Variants in EVC2 observed in about 807,000 individuals in gnomAD.
EVC2 encodes the protein limbin.
A neutral mutation model predicts 149.3 loss-of-function variants in EVC2; 148 were observed. That is an observed-to-expected ratio of 0.99 (90% CI 0.87 to 1.14). The LOEUF (loss-of-function observed/expected upper bound fraction) is 1.14, where lower values mean the gene tolerates loss of function less well. Among genes scored for constraint, EVC2 ranks in the 50% most tolerant of loss-of-function variants. EVC2 has a pLI of 0.00. For synonymous variants in EVC2, 776 were observed against 649.9 expected (o/e 1.19, Z -2.95); for missense variants, 1,854 against 1,627.3 (o/e 1.14, Z -2.40).
At chr4:5,574,590 C>T in intron 19 of EVC2, 95 bp downstream of exon 19, 1 of 1,308,818 alleles carries the variant, frequency 7.6e-7, no homozygotes, top group East Asian at 2.3e-5. Flanking sequence ...GGCTTTTCAT[C>T]ACCATCCTGG....
chr4:5,616,926 T>G (rs28707526), intron 15 of EVC2, among the ~76,000 whole-genome samples: 18,584 of 152,232 alleles, frequency 0.12, 2,317 homozygotes, highest in African/African-American at 0.32. Flanking sequence ...CTCACCAGCT[T>G]CAAGGCAGGG....
At chr4:5,584,357 C>T (rs1222025069) in intron 17 of EVC2, among the ~76,000 whole-genome samples, 3 of 152,152 alleles carry the variant, frequency 2.0e-5, no homozygotes, top group Admixed American at 6.5e-5. Context: ...ATGAAAGAAA[C>T]AATACTGCCA....
chr4:5,532,916 C>G, the EVC2 span, among the ~76,000 whole-genome samples: 2 of 151,750 alleles, frequency 1.3e-5, no homozygotes, highest in South Asian at 4.2e-4. Flanking sequence ...TCACCCCATA[C>G]TCAGTACCCT....
intron 12 of EVC2, among the ~76,000 whole-genome samples, chr4:5,627,565 A>C (rs1463182456): frequency 6.6e-6 from 1 of 152,242 alleles, no homozygotes. Context: ...TTGTCATAAG[A>C]AAGCCGCTTT....
intron 21 of EVC2, among the ~76,000 whole-genome samples, chr4:5,556,570 A>G (rs1721844844): frequency 1.3e-5 from 2 of 151,344 alleles, no homozygotes. Flanking sequence ...AAGCAATCAG[A>G]AAAAAATGAT....
chr4:5,606,747 C>A (rs753110741), intron 16 of EVC2, among the ~76,000 whole-genome samples: 1 of 152,092 alleles, frequency 6.6e-6, no homozygotes, highest in Non-Finnish European at 1.5e-5. Context: ...GAAAAAGAAA[C>A]GAGGTGTAAG....
At chr4:5,676,935 C>T (rs1162753753) in intron 7 of EVC2, among the ~76,000 whole-genome samples, 1 of 152,112 alleles carries the variant, frequency 6.6e-6, no homozygotes, top group Admixed American at 6.5e-5. Context: ...CGCTCCATTA[C>T]TTCCTAGCAT....
At chr4:5,643,695 T>G (rs1444430407) in intron 9 of EVC2, among the ~76,000 whole-genome samples, 1 of 152,004 alleles carries the variant, frequency 6.6e-6, no homozygotes, top group East Asian at 1.9e-4. Context: ...CCAAGGTGGG[T>G]GGATCACTTG....
the EVC2 span, among the ~76,000 whole-genome samples, chr4:5,533,625 G>A: frequency 4.6e-5 from 7 of 152,166 alleles, no homozygotes; most frequent in African/African-American, 9.7e-5. Context: ...CAGAAGAGCC[G>A]CCAGGGCATC....
chr4:5,534,443 C>T, the EVC2 span, among the ~76,000 whole-genome samples: 3 of 152,160 alleles, frequency 2.0e-5, no homozygotes, highest in African/African-American at 7.2e-5. Flanking sequence ...TGGGATGTTT[C>T]AGTGACCATC....
Position 5,595,010 on chromosome 4 carries a change from T to A in EVC2, c.2830-10160A>T, listed in dbSNP as rs533056872. On this transcript the variant is annotated intron_variant, in intron 16 of 21. Transcript: ENST00000344408. ...GAATGAAATAAAGCAAGAAGGGAAG[T>A]TTAGAGAAAAAAGAATAAAAAGAAA... Among the ~76,000 whole-genome samples, 11 of 151,762 alleles carry A rather than the reference T, an allele frequency of 7.2e-5. No homozygotes were observed. The East Asian group carries it at 9.7e-4, about 13-fold the overall frequency.
At chr4:5,663,356 C>T (rs1719033463) in intron 8 of EVC2, 110 bp from the exon 9 acceptor site, 3 of 1,401,408 alleles carry the variant, frequency 2.1e-6, no homozygotes, top group Non-Finnish European at 3.0e-6. Flanking sequence ...ACCCAATCAG[C>T]CCCACCACTG....
chr4:5,598,796 G>A (rs991819264), intron 16 of EVC2, among the ~76,000 whole-genome samples: 6 of 151,986 alleles, frequency 3.9e-5, no homozygotes, highest in African/African-American at 1.4e-4. Flanking sequence ...TACAAAATGG[G>A]AGAAAATTTT....
Position 5,562,751 on chromosome 4 carries a change from T to G in EVC2, c.*97A>C. 6.3e-7 allele frequency: 1 copy of G among 1,599,028 alleles called. No individual in the cohort carries two copies. Among genetic ancestry groups the G allele is most frequent in the South Asian group, 1.1e-5 (1 of 89,738 alleles). Reference sequence around the variant, plus strand: ...CTGTGCCTTCTGCATGTGCAATTTATATTTGCGAGTTGTGCATTATAAACA... The same window carrying G: ...CTGTGCCTTCTGCATGTGCAATTTAGATTTGCGAGTTGTGCATTATAAACA... On this transcript the variant is annotated 3_prime_UTR_variant, in exon 22 of 22. Coordinates refer to ENST00000344408, the MANE Select transcript of EVC2 (RefSeq NM_147127.5). The surrounding 1 kb of genome is among the most constrained non-coding windows in gnomAD (Gnocchi z 4.3).
chr4:5,655,212 AC>A (rs532767872), intron 9 of EVC2, among the ~76,000 whole-genome samples: 43 of 152,202 alleles, frequency 2.8e-4, no homozygotes, highest in African/African-American at 1.0e-3. Flanking sequence ...CTGCGCAGGA[AC>A]CTGCCACCTC....
intron 14 of EVC2, among the ~76,000 whole-genome samples, chr4:5,621,608 C>G (rs1348280942): frequency 6.6e-6 from 1 of 152,210 alleles, no homozygotes; most frequent in Non-Finnish European, 1.5e-5. Flanking sequence ...GGCTCCCTTC[C>G]TGGGCTAGGC....
At position 5,613,902 on chromosome 4, in the gene EVC2, A is replaced by G. The variant is rs542104832; in HGVS notation, c.2829+1520T>C. ...ACCTGATGGGAGACACTGAGCCCAG[A>G]GCAGTTTCTATGGCTCTTGGCGAGA... is the stretch of plus-strand genomic sequence containing the variant. On this transcript the variant is annotated intron_variant, in intron 16 of 21. Transcript: ENST00000344408. The surrounding 1 kb of genome is among the most constrained non-coding windows in gnomAD (Gnocchi z 4.6). Among the ~76,000 whole-genome samples the G allele has an allele frequency of 6.6e-6, 1 of 152,282 alleles. No individual in the cohort carries two copies. The highest frequency in any genetic ancestry group is 2.4e-5 in the African/African-American group (1 of 41,556).
intron 21 of EVC2, among the ~76,000 whole-genome samples, chr4:5,547,345 G>A (rs902674902): frequency 6.6e-6 from 1 of 152,228 alleles, no homozygotes; most frequent in African/African-American, 2.4e-5. Context: ...CCTACAGCCT[G>A]GGCGCCATGA....
intron 9 of EVC2, among the ~76,000 whole-genome samples, chr4:5,642,382 T>C (rs1053686824): frequency 1.3e-5 from 2 of 152,222 alleles, no homozygotes; most frequent in African/African-American, 4.8e-5. Context: ...ATCCTCTTTT[T>C]TTCCCCAATT....
Sources: allele counts gnomAD v4.1 joint callset (sites outside exome capture counted in the v4.1 genomes callset), GRCh38; gene constraint gnomAD v4.1.1; non-coding constraint Gnocchi (gnomAD v3.1); transcripts MANE v1.5; gene names NCBI Gene and HGNC (gene_info 2026-07-23, HGNC 2026-07-21).